The following UNC13B variants were observed in gnomAD, a reference collection of about 807,000 sequenced individuals.
The protein encoded by UNC13B is protein unc-13 homolog B.
A neutral mutation model predicts 211.0 loss-of-function variants in UNC13B; 144 were observed. The observed-to-expected ratio is 0.68, with a 90% CI of 0.60 to 0.78. The LOEUF (loss-of-function observed/expected upper bound fraction) is 0.78. Ranked by LOEUF, UNC13B falls within the 30% of genes least tolerant of loss-of-function variation. The pLI is 0.00. For missense variants in UNC13B, 1,777 were observed against 2,002.0 expected (o/e 0.89, Z 2.14); for synonymous variants, 709 against 725.8 (o/e 0.98, Z 0.37).
chr9:35,398,876 G>C lies in UNC13B; in HGVS notation c.11922-6G>C. ...GGGAAAGGCTACACTGCGGGCACAT[G>C]TGTAGTTTCCAGGTACGGATTGATG... On this transcript the variant is annotated splice_polypyrimidine_tract_variant and splice_region_variant and intron_variant, in intron 32 of 39. Transcript: ENST00000635942. 1 of 1,612,578 alleles carries C rather than the reference G, an allele frequency of 6.2e-7. No homozygotes were observed. The highest frequency in any genetic ancestry group is 1.1e-5 in the South Asian group (1 of 90,914).
In UNC13B at chr9:35,398,915, A is replaced by T; in HGVS notation, c.11955A>T (p.Gln3985His). 6.2e-7 allele frequency: 1 copy of T among 1,614,154 alleles called. No homozygotes were observed. Among genetic ancestry groups the T allele is most frequent in the South Asian group, 1.1e-5 (1 of 91,080 alleles). The change falls in exon 33 of 40, where the codon CAA becomes CAT. Residue 3985 changes from glutamine to histidine, a missense_variant. Physicochemically the swap from Gln to His is conservative, Grantham distance 24. Coordinates refer to ENST00000635942, the MANE Select transcript of UNC13B (RefSeq NM_001371189.2). ...TACGGATTGATGAGTGTGTTCGACAAATGGCCGACATCCTGGGCCAGGTTC... is the reference window on the plus strand; with the variant it reads ...TACGGATTGATGAGTGTGTTCGACATATGGCCGACATCCTGGGCCAGGTTC... The part of the protein sequence containing the change: ...FQVRIDECVR[Q>H]MADILGQVRG...
At chr9:35,268,150 C>T (rs1168808327) in intron 7 of UNC13B, among the ~76,000 whole-genome samples, 1 of 152,086 alleles carries the variant, frequency 6.6e-6, no homozygotes, top group African/African-American at 2.4e-5. Context: ...AATTATGAAG[C>T]TCCTCCTCAC....
intron 7 of UNC13B, among the ~76,000 whole-genome samples, chr9:35,267,356 G>C (rs935879971): frequency 1.3e-5 from 2 of 152,222 alleles, no homozygotes; most frequent in Admixed American, 6.5e-5. Flanking sequence ...GAGTGACTAA[G>C]GACTGGAGGA....
intron 1 of UNC13B, among the ~76,000 whole-genome samples, chr9:35,193,312 C>T (rs1002060521): frequency 6.6e-6 from 1 of 152,118 alleles, no homozygotes; most frequent in African/African-American, 2.4e-5. Flanking sequence ...AATCCCCTTA[C>T]TAATTAAGTA....
At chr9:35,208,173 A>G (rs1823770257) in intron 1 of UNC13B, among the ~76,000 whole-genome samples, 1 of 152,198 alleles carries the variant, frequency 6.6e-6, no homozygotes, top group Non-Finnish European at 1.5e-5. Context: ...CTGCAAGTCT[A>G]CCTGCCATCC....
At chr9:35,253,582 A>G (rs1208748728) in intron 6 of UNC13B, among the ~76,000 whole-genome samples, 1 of 152,230 alleles carries the variant, frequency 6.6e-6, no homozygotes, top group Non-Finnish European at 1.5e-5. Context: ...AATACAATAT[A>G]GAGTCTAACT....
chr9:35,172,846 G>A (rs532306601), intron 1 of UNC13B, among the ~76,000 whole-genome samples: 8 of 152,284 alleles, frequency 5.3e-5, no homozygotes, highest in African/African-American at 1.7e-4. Context: ...GTGCTAAGGT[G>A]TAAGGTCTAT....
chr9:35,277,914 G>A (rs117387289), intron 7 of UNC13B, among the ~76,000 whole-genome samples: 8 of 152,214 alleles, frequency 5.3e-5, no homozygotes, highest in South Asian at 4.2e-4. Flanking sequence ...GGAAAGTCCC[G>A]AGGTGGCAAA....
chr9:35,329,737 C>A (rs186964107), intron 11 of UNC13B, among the ~76,000 whole-genome samples: 2 of 152,150 alleles, frequency 1.3e-5, no homozygotes, highest in Admixed American at 1.3e-4. Flanking sequence ...AATCTGCCCC[C>A]CTTGGCCTCC....
intron 1 of UNC13B, among the ~76,000 whole-genome samples, chr9:35,181,831 C>CA (rs1163648862): frequency 6.6e-6 from 1 of 151,510 alleles, no homozygotes; most frequent in Non-Finnish European, 1.5e-5. Context: ...GACTCTGTCT[C>CA]AAAAAAACAA....
At position 35,396,938 on chromosome 9, in the gene UNC13B, G is replaced by A. The variant is rs951037484; in HGVS notation, c.11532+1G>A. 1 of 1,614,030 alleles carries A rather than the reference G, an allele frequency of 6.2e-7. No homozygotes were observed. On this transcript the variant is annotated splice_donor_variant, in intron 28 of 39. Transcript: ENST00000635942. LOFTEE classifies it high-confidence loss of function. ...CCTGGAACGAGATAAGAAGGATGGA[G>A]TAAGTCAGGGGCTTTGGCTGCACCG...
At chr9:35,360,270 A>G (rs1049100722) in intron 11 of UNC13B, among the ~76,000 whole-genome samples, 1 of 152,188 alleles carries the variant, frequency 6.6e-6, no homozygotes, top group African/African-American at 2.4e-5. Flanking sequence ...CATGTGACAT[A>G]GTATATTGTT....
In UNC13B at chr9:35,253,331, G is replaced by C. The variant is rs575784905; in HGVS notation, c.469-5662G>C. ...TAGTTTTTAATTTTTTTGTGGAGGT[G>C]GGGTCTTGCTATGTTGCCCAGGCTG... On this transcript the variant is annotated intron_variant, in intron 6 of 39. Coordinates refer to ENST00000635942, the MANE Select transcript of UNC13B (RefSeq NM_001371189.2). Among the ~76,000 whole-genome samples, 55 of 151,906 alleles carry C rather than the reference G, an allele frequency of 3.6e-4. No individual in the cohort carries two copies. The East Asian group carries it at 4.3e-3, about 12-fold the overall frequency.
At position 35,302,829 on chromosome 9, in the gene UNC13B, A is replaced by G. The variant is rs775384586; in HGVS notation, c.3425A>G (p.Asn1142Ser). The G allele has an allele frequency of 2.5e-5, 10 of 398,532 alleles. No individual in the cohort carries two copies. The highest frequency in any genetic ancestry group is 4.4e-5 in the Admixed American group (1 of 22,700). 24.7% of individuals were successfully genotyped at this position (398,532 alleles called of 1,614,324 possible). Residue 1142 changes from asparagine (N) to serine (S), a missense_variant, in exon 9 of 40, where the codon AAT (asparagine) becomes AGT (serine). By Grantham distance (46) the Asn-to-Ser change is conservative. Transcript: ENST00000635942. Reference sequence around the variant, plus strand: ...GTTATAGATAAGACTTCCAAGAAAAATACCCAAGGAAGCTTCCTTTCTGGC... The same window carrying G: ...GTTATAGATAAGACTTCCAAGAAAAGTACCCAAGGAAGCTTCCTTTCTGGC... ...DEVIDKTSKK[N>S]TQGSFLSGLF...
intron 5 of UNC13B, among the ~76,000 whole-genome samples, chr9:35,241,582 C>T (rs1825813433): frequency 6.8e-6 from 1 of 146,900 alleles, no homozygotes; most frequent in South Asian, 2.2e-4. Flanking sequence ...CACACACACA[C>T]ACACACACAC....
chr9:35,358,690 ATTTTT>A (rs918370577), intron 11 of UNC13B, among the ~76,000 whole-genome samples: 1 of 108,704 alleles, frequency 9.2e-6, no homozygotes, highest in Admixed American at 8.9e-5. Context: ...TAGGTCTATG[ATTTTT>A]TTTTTTTTTT....
chr9:35,274,247 T>C (rs1828048543), intron 7 of UNC13B, among the ~76,000 whole-genome samples: 1 of 152,130 alleles, frequency 6.6e-6, no homozygotes, highest in Non-Finnish European at 1.5e-5. Context: ...TTTTCTTTTC[T>C]TTTTTTGTAG....
At chr9:35,232,572 G>T (rs918682646) in intron 3 of UNC13B, among the ~76,000 whole-genome samples, 1 of 152,086 alleles carries the variant, frequency 6.6e-6, no homozygotes, top group African/African-American at 2.4e-5. Flanking sequence ...ACGTAGAAAA[G>T]GATGAATAGA....
intron 6 of UNC13B, among the ~76,000 whole-genome samples, chr9:35,245,604 G>GT (rs1225094354): frequency 2.7e-5 from 4 of 149,544 alleles, no homozygotes; most frequent in Admixed American, 6.8e-5. Flanking sequence ...GCGATGTTTG[G>GT]TTTTTTGTCC....
Sources: allele counts gnomAD v4.1 joint callset (sites outside exome capture counted in the v4.1 genomes callset), GRCh38; gene constraint gnomAD v4.1.1; transcripts MANE v1.5; gene names NCBI Gene and HGNC (gene_info 2026-07-23, HGNC 2026-07-21).